Variants in SUMF1 observed in about 807,000 individuals in gnomAD.
SUMF1 encodes the protein sulfatase modifying factor 1, also known as formylglycine-generating enzyme.
In SUMF1, 48 loss-of-function variants were observed where a neutral mutation model predicts 47.6. That is an observed-to-expected ratio of 1.01 (90% CI 0.80 to 1.28). The LOEUF (loss-of-function observed/expected upper bound fraction) is 1.28, where lower values mean the gene tolerates loss of function less well. SUMF1 is among the 50% of genes most tolerant of loss of function. SUMF1 has a pLI of 0.00. For missense variants in SUMF1, 571 were observed against 485.4 expected (o/e 1.18, Z -1.66); for synonymous variants, 230 against 192.1 (o/e 1.20, Z -1.63).
At chr3:4,212,800 G>A (rs959575436) in intron 8 of SUMF1, among the ~76,000 whole-genome samples, 1 of 152,188 alleles carries the variant, frequency 6.6e-6, no homozygotes, top group Non-Finnish European at 1.5e-5. Context: ...TCAAGTGGAA[G>A]AAAGGATATC....
At chr3:4,304,031 C>T (rs1698072740) in intron 8 of SUMF1, 1 of 244,610 alleles carries the variant, frequency 4.1e-6, no homozygotes, top group African/African-American at 2.3e-5. Flanking sequence ...TACAGTGGAA[C>T]AGTACCTCTC....
chr3:4,296,187 A>T (rs1261692357), intron 8 of SUMF1, among the ~76,000 whole-genome samples: 1 of 151,966 alleles, frequency 6.6e-6, no homozygotes, highest in Non-Finnish European at 1.5e-5. Flanking sequence ...CTGTATTATT[A>T]TCCCTTCCAC....
At chr3:4,201,395 G>A (rs949862439) in intron 8 of SUMF1, among the ~76,000 whole-genome samples, 13 of 152,008 alleles carry the variant, frequency 8.6e-5, no homozygotes, top group Admixed American at 8.5e-4. Context: ...AATATGTGAA[G>A]TTGGTTTTTC....
intron 8 of SUMF1, among the ~76,000 whole-genome samples, chr3:4,292,878 T>G (rs981181266): frequency 6.6e-6 from 1 of 152,182 alleles, no homozygotes; most frequent in East Asian, 1.9e-4. Flanking sequence ...CAGTGAGAAG[T>G]GGTTTCCTGT....
chr3:4,210,399 G>C (rs1351948), intron 8 of SUMF1, among the ~76,000 whole-genome samples: 92,889 of 151,782 alleles, frequency 0.61, 28,598 homozygotes, highest in South Asian at 0.7. Flanking sequence ...TTAGAAAAAA[G>C]CTACAATAAC....
intron 8 of SUMF1, among the ~76,000 whole-genome samples, chr3:4,294,929 C>T (rs144511662): frequency 2.6e-5 from 4 of 152,244 alleles, no homozygotes; most frequent in Admixed American, 1.3e-4. Flanking sequence ...TCAATTCCTA[C>T]GTAGAGATCC....
intron 8 of SUMF1, among the ~76,000 whole-genome samples, chr3:4,150,107 TA>T: frequency 8.0e-6 from 1 of 124,820 alleles, no homozygotes; most frequent in Non-Finnish European, 1.7e-5. Context: ...TTTATTTATT[TA>T]TTTTGCAGGG....
At chr3:4,111,602 C>T (rs1002478573) in intron 8 of SUMF1, among the ~76,000 whole-genome samples, 2 of 151,872 alleles carry the variant, frequency 1.3e-5, no homozygotes, top group Non-Finnish European at 2.9e-5. Context: ...CCTGCCTCTA[C>T]CTGCCTCTAG....
chr3:4,116,303 GA>G (rs1449541875), intron 8 of SUMF1, among the ~76,000 whole-genome samples: 8 of 152,108 alleles, frequency 5.3e-5, no homozygotes, highest in Non-Finnish European at 1.2e-4. Flanking sequence ...GTGTGTTCAA[GA>G]AACGCAAGTA....
chr3:4,181,336 A>G (rs1420661662), intron 8 of SUMF1, among the ~76,000 whole-genome samples: 1 of 152,158 alleles, frequency 6.6e-6, no homozygotes, highest in African/African-American at 2.4e-5. Context: ...CTCAGTGATT[A>G]TGGTTCGAAG....
At chr3:4,440,330 T>C (rs994059124) in intron 3 of SUMF1, among the ~76,000 whole-genome samples, 5 of 152,132 alleles carry the variant, frequency 3.3e-5, no homozygotes, top group Non-Finnish European at 5.9e-5. Context: ...TCCTATGTAC[T>C]GAAACTTGCC....
chr3:4,385,537 G>C (rs896433691), intron 7 of SUMF1, among the ~76,000 whole-genome samples: 1 of 152,114 alleles, frequency 6.6e-6, no homozygotes, highest in African/African-American at 2.4e-5. Flanking sequence ...GCTTTTGTCA[G>C]ATATATGGGT....
intron 8 of SUMF1, among the ~76,000 whole-genome samples, chr3:4,079,515 T>A (rs1165429808): frequency 6.6e-6 from 1 of 151,824 alleles, no homozygotes; most frequent in Non-Finnish European, 1.5e-5. Flanking sequence ...GGCTCTGGGG[T>A]TAGATTTCCT....
intron 8 of SUMF1, among the ~76,000 whole-genome samples, chr3:4,111,298 T>A (rs184357008): frequency 6.6e-5 from 10 of 152,216 alleles, no homozygotes; most frequent in African/African-American, 1.9e-4. Context: ...AAGGTCCACA[T>A]GGAAGTGGAC....
intron 6 of SUMF1, among the ~76,000 whole-genome samples, chr3:4,415,748 G>A (rs1701691236): frequency 6.6e-6 from 1 of 152,206 alleles, no homozygotes; most frequent in Non-Finnish European, 1.5e-5. Flanking sequence ...AGGAGACAGA[G>A]GTTGCAGTGA....
intron 7 of SUMF1, among the ~76,000 whole-genome samples, chr3:4,389,105 G>A (rs1700767198): frequency 6.6e-6 from 1 of 152,052 alleles, no homozygotes; most frequent in African/African-American, 2.4e-5. Context: ...TTTTCTTTCT[G>A]TTTAAGAACA....
intron 8 of SUMF1, among the ~76,000 whole-genome samples, chr3:4,374,578 G>GA (rs1454112650): frequency 6.6e-6 from 1 of 152,136 alleles, no homozygotes; most frequent in Admixed American, 6.5e-5. Flanking sequence ...TATTCTTGAT[G>GA]AAAAATCTTC....
In SUMF1 at chr3:4,452,904, A is replaced by C. The variant is rs746433657; in HGVS notation, c.416T>G (p.Phe139Cys). Residue 139 changes from phenylalanine (F) to cysteine (C), a missense_variant, in exon 2 of 9, where the codon TTT (phenylalanine) becomes TGT (cysteine). Physicochemically the swap from Phe to Cys is radical, Grantham distance 205. Coordinates refer to ENST00000272902, the MANE Select transcript of SUMF1 (RefSeq NM_182760.4). The stretch of plus-strand genomic sequence containing the variant: ...TGTCAAATAGCCAGTTGAGTTCACA[A>C]ACTTCTCAAATTCAGTATTACTGAC... The part of the protein sequence containing the change: ...YEVSNTEFEK[F>C]VNSTGYLTEA... 6.2e-7 allele frequency: 1 copy of C among 1,614,178 alleles called. No homozygotes were observed. Among genetic ancestry groups the C allele is most frequent in the Non-Finnish European group, 8.5e-7 (1 of 1,180,044 alleles).
At chr3:4,222,261 A>G (rs1559583139) in intron 8 of SUMF1, among the ~76,000 whole-genome samples, 1 of 151,964 alleles carries the variant, frequency 6.6e-6, no homozygotes, top group African/African-American at 2.4e-5. Context: ...TAGCCTTAGA[A>G]TCTCACCACC....
Sources: gnomAD v4.1 joint callset for allele counts (sites outside exome capture counted in the v4.1 genomes callset) on GRCh38, gnomAD v4.1.1 for gene constraint, MANE v1.5 for transcripts, NCBI Gene and HGNC (gene_info 2026-07-23, HGNC 2026-07-21) for gene names.